TMEM101: variants seen among roughly 807,000 people sequenced by gnomAD.
TMEM101 encodes putative NF-kappa-B-activating protein 130.
In TMEM101, 14 loss-of-function variants were observed where a neutral mutation model predicts 26.0. That is an observed-to-expected ratio of 0.54 (90% CI 0.36 to 0.84). The LOEUF is 0.84. TMEM101 is among the 40% of genes least tolerant of loss of function. The pLI, the probability that TMEM101 is intolerant of heterozygous loss-of-function variation, is 0.01. For synonymous variants in TMEM101, 152 were observed against 145.1 expected, an observed-to-expected ratio of 1.05 and a Z score of -0.34; for missense variants, 292 against 345.1, an observed-to-expected ratio of 0.85 and a Z score of 1.22.
upstream of TMEM101, among the ~76,000 whole-genome samples, chr17:44,016,184 T>A (rs554241858): frequency 3.3e-5 from 5 of 152,198 alleles, no homozygotes; most frequent in South Asian, 4.1e-4. Context: ...GCTTTTTTTT[T>A]ATTTTTGAGA....
Position 44,011,861 on chromosome 17 carries a change from A to G in TMEM101, c.*67T>C. 2.8e-6 allele frequency: 4 copies of G among 1,453,362 alleles called. No homozygotes were observed. Among genetic ancestry groups the G allele is most frequent in the East Asian group, 2.3e-5 (1 of 43,726 alleles). 90.0% of individuals were successfully genotyped at this position (1,453,362 alleles called of 1,614,324 possible). On this transcript the variant is annotated 3_prime_UTR_variant, in exon 4 of 4. Transcript: ENST00000206380. ...AGCATAAATAAACAGCAGCTGGGCC[A>G]GCAAGGAGGAAGGCAGGGTGACCCT...
upstream of TMEM101, among the ~76,000 whole-genome samples, chr17:44,016,354 G>A (rs150154022): frequency 0.012 from 1,815 of 151,992 alleles, 38 homozygotes; most frequent in African/African-American, 0.04. Context: ...TATTTTTAGT[G>A]GAGACAGGGT....
chr17:44,020,320 T>C (rs1440627259), intron 2 of TMEM101, among the ~76,000 whole-genome samples: 1 of 152,224 alleles, frequency 6.6e-6, no homozygotes, highest in Admixed American at 6.5e-5. Flanking sequence ...AGTTCTCCTA[T>C]AATTGTATCG....
chr17:44,022,426 C>G (rs79743552), intron 1 of TMEM101, among the ~76,000 whole-genome samples: 1 of 152,210 alleles, frequency 6.6e-6, no homozygotes, highest in Non-Finnish European at 1.5e-5. Context: ...TAGCTTTGAG[C>G]CTGATCAGTC....
chr17:44,017,838 C>T (rs2049249448), upstream of TMEM101, among the ~76,000 whole-genome samples: 1 of 151,814 alleles, frequency 6.6e-6, no homozygotes, highest in Non-Finnish European at 1.5e-5. Flanking sequence ...TCATTTTAAA[C>T]CGGCCACTAG....
upstream of TMEM101, among the ~76,000 whole-genome samples, chr17:44,018,374 G>C (rs1195485773): frequency 1.3e-5 from 2 of 152,170 alleles, no homozygotes; most frequent in African/African-American, 4.8e-5. Context: ...CAAAGAACTA[G>C]GGAATGAGAT....
At chr17:44,017,948 C>A (rs766252241), upstream of TMEM101, among the ~76,000 whole-genome samples, 1 of 152,154 alleles carries the variant, frequency 6.6e-6, no homozygotes, top group African/African-American at 2.4e-5. Context: ...GCCTGGCCAA[C>A]ATGGCAAAAC....
upstream of TMEM101, chr17:44,019,340 A>G: frequency 4.6e-6 from 2 of 436,282 alleles, no homozygotes; most frequent in Non-Finnish European, 9.1e-6. Context: ...TCACCACCAG[A>G]CTAGGAAACA....
upstream of TMEM101, among the ~76,000 whole-genome samples, chr17:44,015,658 G>A (rs1006102530): frequency 1.3e-5 from 2 of 152,202 alleles, no homozygotes; most frequent in African/African-American, 4.8e-5. Flanking sequence ...CTCCCAAAGT[G>A]CTGGGATTAC....
upstream of TMEM101, chr17:44,014,999 A>AGGCGCGGGGATG (rs1354062628): frequency 6.4e-7 from 1 of 1,556,682 alleles, no homozygotes; most frequent in Non-Finnish European, 8.7e-7. Context: ...TCAGAGAAGC[A>AGGCGCGGGGATG]GGCGCGGGGA....
chr17:44,018,392 G>A (rs187213658), upstream of TMEM101, among the ~76,000 whole-genome samples: 9 of 152,302 alleles, frequency 5.9e-5, no homozygotes, highest in South Asian at 2.1e-4. Flanking sequence ...GATTGTATAC[G>A]TGTATGTTGG....
chr17:44,019,755 C>T (rs905681711), upstream of TMEM101, among the ~76,000 whole-genome samples: 9 of 152,120 alleles, frequency 5.9e-5, no homozygotes, highest in African/African-American at 2.2e-4. Context: ...CTTACGGATA[C>T]ACAGGGAAGC....
chr17:44,019,506 T>C (rs228783), upstream of TMEM101: 150,128 of 162,890 alleles, frequency 0.92, 69,253 homozygotes, highest in East Asian at 1. Context: ...TCAAGGAACA[T>C]AAAAAGGTCA....
In TMEM101 at chr17:44,013,061, C is replaced by G; in HGVS notation, c.413G>C (p.Arg138Pro). ...CACCTGGCCGGTGGACTGCAGGGAG[C>G]GGCTGCGAGGTTTCCGGCGGTACAG... Reference protein sequence around the residue: ...GELYRRKPRSRSLQSTGQVFL... With the variant: ...GELYRRKPRSPSLQSTGQVFL... The change falls in exon 3 of 4, where the codon CGC becomes CCC. Residue 138 changes from arginine to proline, a missense_variant. This residue lies in a region of TMEM101 where 149 missense variants were observed against 211.9 expected (regional missense o/e 0.70). Transcript: ENST00000206380. The G allele has an allele frequency of 6.2e-7, 1 of 1,608,882 alleles. No homozygotes were observed. Among genetic ancestry groups the G allele is most frequent in the African/African-American group, 1.3e-5 (1 of 74,996 alleles).
chr17:44,013,141 C>T lies in TMEM101; in HGVS notation c.333G>A (p.Ser111=), dbSNP rs773416678. ...YGDWLKVRMY[S]RTVAIIGGFL... is the part of the protein sequence containing the mutation. ...AGCCGCCGATGATGGCAACTGTGCG[C>T]GAGTACATACGGACCTAGGCCGGGG... is the stretch of plus-strand genomic sequence containing the variant. Residue 111 remains serine, a synonymous_variant, in exon 3 of 4, where the codon TCG becomes TCA. Transcript: ENST00000206380. The T allele has an allele frequency of 1.8e-5, 29 of 1,593,034 alleles. No homozygotes were observed. Among genetic ancestry groups the T allele is most frequent in the Middle Eastern group, 1.7e-4 (1 of 5,956 alleles).
chr17:44,015,122 T>C, upstream of TMEM101: 1 of 829,876 alleles, frequency 1.2e-6, no homozygotes, highest in Non-Finnish European at 1.8e-6. Flanking sequence ...AGCCTTCTCG[T>C]CTGCTCATGG....
chr17:44,011,866 G>A lies in TMEM101; in HGVS notation c.*62C>T. 1 of 1,470,064 alleles carries A rather than the reference G, an allele frequency of 6.8e-7. No individual in the cohort carries two copies. Among genetic ancestry groups the A allele is most frequent in the South Asian group, 1.3e-5 (1 of 77,398 alleles). 91.1% of individuals were successfully genotyped at this position (1,470,064 alleles called of 1,614,324 possible). ...AAATAAACAGCAGCTGGGCCAGCAA[G>A]GAGGAAGGCAGGGTGACCCTCAGTG... On this transcript the variant is annotated 3_prime_UTR_variant, in exon 4 of 4. Coordinates refer to ENST00000206380, the MANE Select transcript of TMEM101 (RefSeq NM_032376.4).
chr17:44,015,752 A>G (rs544843636), upstream of TMEM101, among the ~76,000 whole-genome samples: 1 of 152,308 alleles, frequency 6.6e-6, no homozygotes, highest in East Asian at 1.9e-4. Context: ...GGTTCAATAA[A>G]TGATACACAT....
intron 3 of TMEM101, 72 bp downstream of exon 3, chr17:44,012,937 G>C (rs778451467): frequency 2.8e-6 from 4 of 1,435,230 alleles, no homozygotes; most frequent in Non-Finnish European, 3.7e-6. Flanking sequence ...CTACCTTCCT[G>C]GGGTTCTGCC....
Sources: gnomAD v4.1 joint callset for allele counts (sites outside exome capture counted in the v4.1 genomes callset) on GRCh38, gnomAD v4.1.1 for gene constraint, gnomAD v4.1.1 regional missense constraint, MANE v1.5 for transcripts, NCBI Gene and HGNC (gene_info 2026-07-23, HGNC 2026-07-21) for gene names.